The following EHD3 variants were observed in gnomAD, a reference collection of about 807,000 sequenced individuals.
EHD3 encodes EH domain-containing protein 3.
In EHD3, 17 loss-of-function variants were observed where a neutral mutation model predicts 43.0. The observed-to-expected ratio is 0.40, with a 90% CI of 0.27 to 0.59. The LOEUF is 0.59. Among genes scored for constraint, EHD3 ranks in the 20% least tolerant of loss-of-function variants. EHD3 has a pLI of 0.49. For missense variants in EHD3, 594 were observed against 705.6 expected (o/e 0.84, Z 1.79); for synonymous variants, 313 against 289.5 (o/e 1.08, Z -0.82).
intron 2 of EHD3, among the ~76,000 whole-genome samples, chr2:31,245,416 T>C (rs972448996): frequency 6.1e-4 from 92 of 152,024 alleles, no homozygotes; most frequent in East Asian, 5.8e-4. Context: ...TATGTCTTAT[T>C]TCATTTGATT....
chr2:31,263,382 A>T (rs183679497), intron 5 of EHD3, among the ~76,000 whole-genome samples: 45 of 152,350 alleles, frequency 3.0e-4, no homozygotes, highest in African/African-American at 1.0e-3. Context: ...TTTGTTTGCC[A>T]GTTCAATATT....
At position 31,261,721 on chromosome 2, in the gene EHD3, G is replaced by A; in HGVS notation, c.1080+8G>A. 6.2e-7 allele frequency: 1 copy of A among 1,613,746 alleles called. No individual in the cohort carries two copies. On this transcript the variant is annotated splice_region_variant and intron_variant, in intron 5 of 5. Coordinates refer to ENST00000322054, the MANE Select transcript of EHD3 (RefSeq NM_014600.3). ...AATCTGAAGAGGATGCAGGTAGCGA[G>A]GGCTGGGGTCTCTAAGACAAGGGAC...
At chr2:31,242,757 G>A (rs989853189) in intron 1 of EHD3, among the ~76,000 whole-genome samples, 8 of 151,938 alleles carry the variant, frequency 5.3e-5, no homozygotes, top group African/African-American at 1.2e-4. Flanking sequence ...TCGGGAGTTC[G>A]AGACCAGCCT....
At chr2:31,249,736 T>C (rs1683598347) in intron 3 of EHD3, among the ~76,000 whole-genome samples, 1 of 152,144 alleles carries the variant, frequency 6.6e-6, no homozygotes, top group African/African-American at 2.4e-5. Context: ...ATATCAGTCT[T>C]ACCTCGTTGG....
chr2:31,267,067 G>T lies in EHD3; in HGVS notation c.*363G>T. The T allele has an allele frequency of 4.3e-6, 1 of 231,484 alleles. No homozygotes were observed. The highest frequency in any genetic ancestry group is 8.4e-6 in the Non-Finnish European group (1 of 119,018). 14.3% of individuals were successfully genotyped at this position (231,484 alleles called of 1,614,324 possible). ...AGATTCCCCAGTGCTTCCACACCCG[G>T]GCTCTGAGCAAATGGAAAAGACTTT... is the stretch of plus-strand genomic sequence containing the variant. On this transcript the variant is annotated 3_prime_UTR_variant, in exon 6 of 6. Transcript: ENST00000322054.
At position 31,266,485 on chromosome 2, in the gene EHD3, A is replaced by G. The variant is rs761084914; in HGVS notation, c.1389A>G (p.Thr463=). The change falls in exon 6 of 6, where the codon ACA becomes ACG. Residue 463 remains threonine, a synonymous_variant. Coordinates refer to ENST00000322054, the MANE Select transcript of EHD3 (RefSeq NM_014600.3). The surrounding 1 kb of genome is among the most constrained non-coding windows in gnomAD (Gnocchi z 5.1). The part of the protein sequence containing the change: ...YTLSPVDGKI[T]GANAKKEMVR... ...TGTCACCGGTGGATGGCAAGATCAC[A>G]GGCGCTAATGCCAAGAAGGAGATGG... The G allele has an allele frequency of 2.8e-5, 46 of 1,614,044 alleles. No individual in the cohort carries two copies. In the East Asian group the frequency reaches 9.6e-4, roughly 34 times the overall value.
At chr2:31,257,699 G>C (rs1683778556) in intron 3 of EHD3, among the ~76,000 whole-genome samples, 1 of 152,176 alleles carries the variant, frequency 6.6e-6, no homozygotes, top group South Asian at 2.1e-4. Flanking sequence ...GCTAGGGGTC[G>C]TGTCTCATGG....
At position 31,261,642 on chromosome 2, in the gene EHD3, G is replaced by A. The variant is rs138474287; in HGVS notation, c.1009G>A (p.Glu337Lys). The A allele has an allele frequency of 1.9e-5, 30 of 1,614,110 alleles. No homozygotes were observed. The highest frequency in any genetic ancestry group is 1.3e-4 in the South Asian group (12 of 91,094). ...KKKELVNNLA[E>K]IYGRIEREHQ... ...GAAGGAGCTGGTCAACAACCTGGCC[G>A]AGATCTATGGCCGGATCGAGCGGGA... Residue 337 changes from glutamate to lysine, a missense_variant, in exon 5 of 6, where the codon GAG becomes AAG. Physicochemically the swap from Glu to Lys is moderately conservative, Grantham distance 56. Around this residue, in one of 3 missense-constraint regions of EHD3, gnomAD observed 322 missense variants for 348.0 expected, o/e 0.93. Coordinates refer to ENST00000322054, the MANE Select transcript of EHD3 (RefSeq NM_014600.3).
In EHD3 at chr2:31,266,177, G is replaced by T; in HGVS notation, c.1081G>T (p.Asp361Tyr). 1 of 1,608,026 alleles carries T rather than the reference G, an allele frequency of 6.2e-7. No homozygotes were observed. Among genetic ancestry groups the T allele is most frequent in the South Asian group, 1.1e-5 (1 of 90,574 alleles). The change falls in exon 6 of 6, where the codon GAC becomes TAC. Residue 361 changes from aspartate (D) to tyrosine (Y), a missense_variant and splice_region_variant. Physicochemically the swap from Asp to Tyr is radical, Grantham distance 160. Coordinates refer to ENST00000322054, the MANE Select transcript of EHD3 (RefSeq NM_014600.3). The surrounding 1 kb of genome is among the most constrained non-coding windows in gnomAD (Gnocchi z 5.1). Reference sequence around the variant, plus strand: ...TCATCCTCTCTCCTCCTCTTCCCAGGACCAGCTGCAGGCCCAGGACTTTAG... The same window carrying T: ...TCATCCTCTCTCCTCCTCTTCCCAGTACCAGCTGCAGGCCCAGGACTTTAG... ...GDFPNLKRMQ[D>Y]QLQAQDFSKF...
chr2:31,256,690 C>T (rs74741968), intron 3 of EHD3, among the ~76,000 whole-genome samples: 343 of 152,352 alleles, frequency 2.3e-3, no homozygotes, highest in Middle Eastern at 6.8e-3. Context: ...GCCCCTCAGC[C>T]TTTGCAGACA....
intron 2 of EHD3, among the ~76,000 whole-genome samples, chr2:31,248,439 A>T (rs959151700): frequency 6.6e-6 from 1 of 152,118 alleles, no homozygotes; most frequent in African/African-American, 2.4e-5. Flanking sequence ...TGCACTGTGT[A>T]TTCTGCTTGT....
chr2:31,249,575 G>C, intron 3 of EHD3, 107 bp downstream of exon 3: 1 of 983,148 alleles, frequency 1.0e-6, no homozygotes, highest in Non-Finnish European at 1.5e-6. Context: ...GTCCCTTGGT[G>C]AGCCGGCACT....
intron 3 of EHD3, among the ~76,000 whole-genome samples, chr2:31,256,262 A>G (rs1683750956): frequency 6.6e-6 from 1 of 152,238 alleles, no homozygotes; most frequent in Non-Finnish European, 1.5e-5. Context: ...CAGGGCAATG[A>G]GAACAGCCAA....
chr2:31,249,402 C>T lies in EHD3; in HGVS notation c.436C>T (p.Leu146=), dbSNP rs1187218923. Residue 146 remains leucine, a synonymous_variant, in exon 3 of 6, where the codon CTG becomes TTG. Coordinates refer to ENST00000322054, the MANE Select transcript of EHD3 (RefSeq NM_014600.3). Reference sequence around the variant, plus strand: ...GTGTGCCCAGCTACCTAACCCTGTGCTGGAGAGCATCAGCGTCATCGACAC... The same window carrying T: ...GTGTGCCCAGCTACCTAACCCTGTGTTGGAGAGCATCAGCGTCATCGACAC... ...FVCAQLPNPV[L]ESISVIDTPG... 3.7e-6 allele frequency: 6 copies of T among 1,614,178 alleles called. No individual in the cohort carries two copies. The highest frequency in any genetic ancestry group is 5.1e-6 in the Non-Finnish European group (6 of 1,180,016).
chr2:31,246,844 T>C (rs1683532629), intron 2 of EHD3, among the ~76,000 whole-genome samples: 1 of 152,046 alleles, frequency 6.6e-6, no homozygotes, highest in Admixed American at 6.5e-5. Context: ...TTGTGTGTTG[T>C]GTGAAGAAGA....
chr2:31,240,066 G>A (rs565113313), intron 1 of EHD3, among the ~76,000 whole-genome samples: 35 of 152,224 alleles, frequency 2.3e-4, no homozygotes, highest in African/African-American at 8.4e-4. Flanking sequence ...GGGTGCTTTC[G>A]ACAGGGCCAA....
Position 31,261,553 on chromosome 2 carries a change from A to C in EHD3, c.920A>C (p.His307Pro). Residue 307 changes from histidine to proline, a missense_variant, in exon 5 of 6, where the codon CAC (histidine) becomes CCC (proline). Physicochemically the swap from His to Pro is moderately conservative, Grantham distance 77. Around this residue, in one of 3 missense-constraint regions of EHD3, gnomAD observed 322 missense variants for 348.0 expected, o/e 0.93. Transcript: ENST00000322054. ...LIKRARLAKVHAYIISSLKKE... is the reference protein window; with the variant it reads ...LIKRARLAKVPAYIISSLKKE... Reference sequence around the variant, plus strand: ...CTCTCTGGCCCTGTTTGTCAGGTCCACGCCTACATCATCAGCTCTCTGAAG... The same window carrying C: ...CTCTCTGGCCCTGTTTGTCAGGTCCCCGCCTACATCATCAGCTCTCTGAAG... The C allele has an allele frequency of 1.9e-6, 3 of 1,614,160 alleles. No homozygotes were observed. Among genetic ancestry groups the C allele is most frequent in the Non-Finnish European group, 2.5e-6 (3 of 1,180,018 alleles).
intron 2 of EHD3, 62 bp downstream of exon 2, chr2:31,244,512 T>G: frequency 6.4e-7 from 1 of 1,557,910 alleles, no homozygotes; most frequent in South Asian, 1.2e-5. Context: ...GTATGGGGAG[T>G]GAAAGAACAG....
At chr2:31,249,960 T>A (rs1683601788) in intron 3 of EHD3, among the ~76,000 whole-genome samples, 1 of 152,116 alleles carries the variant, frequency 6.6e-6, no homozygotes, top group African/African-American at 2.4e-5. Context: ...AATTGCTCAT[T>A]AAAGGAGGTT....
Sources: gnomAD v4.1 joint callset for allele counts (sites outside exome capture counted in the v4.1 genomes callset) on GRCh38, gnomAD v4.1.1 for gene constraint, gnomAD v4.1.1 regional missense constraint, Gnocchi (gnomAD v3.1) non-coding constraint, MANE v1.5 for transcripts, NCBI Gene and HGNC (gene_info 2026-07-23, HGNC 2026-07-21) for gene names.